Variants in SERINC2 observed in about 807,000 individuals in gnomAD.
The protein encoded by SERINC2 is tumor differentially expressed protein 2.
In SERINC2, 56 loss-of-function variants were observed where a neutral mutation model predicts 54.2. The ratio of observed to expected loss-of-function variants is 1.03; its 90% CI spans 0.83 to 1.29. The LOEUF is 1.29. Among genes scored for constraint, SERINC2 ranks in the 50% most tolerant of loss-of-function variants. SERINC2 has a pLI of 0.00. For synonymous variants in SERINC2, 272 were observed against 253.1 expected, an observed-to-expected ratio of 1.07 and a Z score of -0.71; for missense variants, 614 against 607.4, an observed-to-expected ratio of 1.01 and a Z score of -0.12.
At position 31,431,786 on chromosome 1, in the gene SERINC2, A is replaced by AGGGTGGTTAGGGTGGATAGGATGGT. The variant is rs1557499739; in HGVS notation, c.1014-1181_1014-1180insGGGTGGTTAGGGTGGATAGGATGGT. Among the ~76,000 whole-genome samples, 55 of 49,592 alleles carry AGGGTGGTTAGGGTGGATAGGATGGT rather than the reference A, an allele frequency of 1.1e-3. 5 individuals carry two copies. The highest frequency in any genetic ancestry group is 2.0e-3 in the Non-Finnish European group (31 of 15,892). 32.5% of individuals were successfully genotyped at this position (49,592 alleles called of 152,430 possible). Reference sequence around the variant, plus strand: ...AGGGTGGAGAGGGTGAATAGGGTGGATAGGGTGGATAGGGTGGACAGGGTG... The same window carrying AGGGTGGTTAGGGTGGATAGGATGGT: ...AGGGTGGAGAGGGTGAATAGGGTGGAGGGTGGTTAGGGTGGATAGGATGGTTAGGGTGGATAGGGTGGACAGGGTG... On this transcript the variant is annotated intron_variant, in intron 8 of 9. Transcript: ENST00000373709.
rs140666908 is a variant in SERINC2 at position 31,425,370 on chromosome 1, G to A, written c.433G>A (p.Val145Met). ...FKFLILVGLT[V>M]GAFYIPDGSF... is the part of the protein sequence containing the mutation. ...GTTCCTGATCCTGGTGGGCCTCACC[G>A]TGGGTGCCTTCTACATTCCTGACGG... Residue 145 changes from valine to methionine, a missense_variant, in exon 4 of 10, where the codon GTG becomes ATG. Transcript: ENST00000373709. 4.1e-5 allele frequency: 66 copies of A among 1,613,424 alleles called. No homozygotes were observed. Among genetic ancestry groups the A allele is most frequent in the African/African-American group, 1.9e-4 (14 of 75,048 alleles).
chr1:31,432,567 C>G (rs571514007), intron 8 of SERINC2, among the ~76,000 whole-genome samples: 2 of 152,074 alleles, frequency 1.3e-5, no homozygotes, highest in Non-Finnish European at 2.9e-5. Flanking sequence ...TGGTATGGTA[C>G]TTTGTAGTAT....
chr1:31,413,373 G>A lies in SERINC2; in HGVS notation c.39+69G>A, dbSNP rs1640694327. The A allele has an allele frequency of 2.1e-5, 18 of 867,666 alleles. No individual in the cohort carries two copies. Among genetic ancestry groups the A allele is most frequent in the Non-Finnish European group, 2.8e-5 (18 of 654,448 alleles). The allele number at this position is 867,666 out of a possible 1,614,324, so 53.7% of individuals were successfully genotyped here. On this transcript the variant is annotated intron_variant, in intron 1 of 9. Transcript: ENST00000373709. The surrounding 1 kb of genome is among the most constrained non-coding windows in gnomAD (Gnocchi z 5.0). ...CTGCTGCGGGCCCTCACTTTCTTCT[G>A]TTCTGCTCCGAGTAGTTTCTTCTTT...
chr1:31,419,069 C>T (rs566435499), intron 1 of SERINC2, among the ~76,000 whole-genome samples: 2 of 152,344 alleles, frequency 1.3e-5, no homozygotes, highest in African/African-American at 4.8e-5. Context: ...AAGATTCAGC[C>T]ACTGTAAGTG....
chr1:31,412,441 G>C (rs1394501371), upstream of SERINC2, among the ~76,000 whole-genome samples: 1 of 152,172 alleles, frequency 6.6e-6, no homozygotes, highest in Non-Finnish European at 1.5e-5. Context: ...AGGCTGTTGG[G>C]AGTCAGTGGA....
chr1:31,432,564 G>T (rs371538770), intron 8 of SERINC2, among the ~76,000 whole-genome samples: 1 of 152,120 alleles, frequency 6.6e-6, no homozygotes, highest in Non-Finnish European at 1.5e-5. Flanking sequence ...ACCTGGTATG[G>T]TACTTTGTAG....
chr1:31,424,115 C>T (rs1462857279), intron 2 of SERINC2, among the ~76,000 whole-genome samples: 3 of 152,160 alleles, frequency 2.0e-5, no homozygotes, highest in Non-Finnish European at 4.4e-5. Context: ...ATGCTCTTCT[C>T]CCTCTTAGTG....
chr1:31,415,807 A>G lies in SERINC2; in HGVS notation c.39+2503A>G, dbSNP rs1454333035. 1.0e-5 allele frequency: 10 copies of G among 963,868 alleles called. No homozygotes were observed. In the Admixed American group the frequency reaches 4.9e-4, roughly 48 times the overall value. 59.7% of individuals were successfully genotyped at this position (963,868 alleles called of 1,614,324 possible). A position where few individuals can be genotyped will look rare whatever the true frequency, so the allele number is the denominator to read the frequency against. On this transcript the variant is annotated intron_variant, in intron 1 of 9. Coordinates refer to ENST00000373709, the MANE Select transcript of SERINC2 (RefSeq NM_178865.5). Reference sequence around the variant, plus strand: ...CTTCAGGAGGGATTTTTTTGCATGCATGGGTCAGTGGGGAAGATTTTTGTA... The same window carrying G: ...CTTCAGGAGGGATTTTTTTGCATGCGTGGGTCAGTGGGGAAGATTTTTGTA...
At chr1:31,415,490 G>A (rs1256666208) in intron 1 of SERINC2, among the ~76,000 whole-genome samples, 1 of 152,184 alleles carries the variant, frequency 6.6e-6, no homozygotes, top group African/African-American at 2.4e-5. Context: ...CCCAACACTC[G>A]CAGCGTGGAG....
At chr1:31,409,936 A>G (rs2148507214), upstream of SERINC2, 2 of 1,247,616 alleles carry the variant, frequency 1.6e-6, no homozygotes, top group Non-Finnish European at 2.2e-6. Context: ...TTGAAAACTC[A>G]GGCCCAGTGA....
Position 31,434,373 on chromosome 1 carries a change from G to A in SERINC2, c.*174G>A, listed in dbSNP as rs1641413113. 5 of 641,450 alleles carry A rather than the reference G, an allele frequency of 7.8e-6. No individual in the cohort carries two copies. The highest frequency in any genetic ancestry group is 7.8e-5 in the South Asian group (4 of 51,514). The allele number at this position is 641,450 out of a possible 1,614,324, so 39.7% of individuals were successfully genotyped here. ...TCTAGTCGTAGTGCCTTCAGGGTCC[G>A]AGGAGCATCAGGCTCCTGCAGAGCC... On this transcript the variant is annotated 3_prime_UTR_variant, in exon 10 of 10. Coordinates refer to ENST00000373709, the MANE Select transcript of SERINC2 (RefSeq NM_178865.5).
At chr1:31,415,870 C>T (rs1318376036) in intron 1 of SERINC2, 21 of 985,412 alleles carry the variant, frequency 2.1e-5, no homozygotes, top group Non-Finnish European at 2.5e-5. Context: ...TTGTGCTTCT[C>T]AGCATTGGAA....
chr1:31,428,914 G>GTGGGC, intron 6 of SERINC2, 64 bp from the exon 7 acceptor site: 1 of 1,353,234 alleles, frequency 7.4e-7, no homozygotes, highest in South Asian at 1.2e-5. Flanking sequence ...GCTGGTGTGA[G>GTGGGC]TGGGCTGGGT....
rs540195644 is a variant in SERINC2, at chr1:31,433,299, G to T, written c.1232+114G>T. 15 of 876,468 alleles carry T rather than the reference G, an allele frequency of 1.7e-5. No individual in the cohort carries two copies. The South Asian group carries it at 2.2e-4, about 13-fold the overall frequency. The allele number at this position is 876,468 out of a possible 1,614,324, so 54.3% of individuals were successfully genotyped here. ...GATGTCTGCTTAAGGCTTGGGGGTG[G>T]CGGTGTGTATCAAGGACCCTCCATA... is the stretch of plus-strand genomic sequence containing the variant. On this transcript the variant is annotated intron_variant, in intron 9 of 9. Coordinates refer to ENST00000373709, the MANE Select transcript of SERINC2 (RefSeq NM_178865.5).
Position 31,429,502 on chromosome 1 carries a change from G to A in SERINC2, c.977G>A (p.Gly326Asp), listed in dbSNP as rs782553908. Residue 326 changes from glycine to aspartate, a missense_variant, in exon 8 of 10, where the codon GGC becomes GAC. Coordinates refer to ENST00000373709, the MANE Select transcript of SERINC2 (RefSeq NM_178865.5). ...TQWWDAPSIV[G>D]LIIFLLCTLF... ...TGGTGGGATGCCCCGAGCATTGTGG[G>A]CCTCATCATCTTCCTCCTGTGCACC... The A allele has an allele frequency of 2.2e-5, 35 of 1,613,436 alleles. No individual in the cohort carries two copies. The highest frequency in any genetic ancestry group is 2.6e-5 in the Non-Finnish European group (31 of 1,179,662).
chr1:31,431,496 C>G (rs569733226), intron 8 of SERINC2, among the ~76,000 whole-genome samples: 1 of 151,984 alleles, frequency 6.6e-6, no homozygotes, highest in African/African-American at 2.4e-5. Flanking sequence ...TGGCCGGTGG[C>G]CAAGGAGCTT....
rs781940263 is a variant in SERINC2 at position 31,425,901 on chromosome 1, GC to G, written c.600del (p.Trp201GlyfsTer22). The stretch of plus-strand genomic sequence containing the variant: ...CAAGGCCGAGGAGTGCGATTCCCGT[GC>G]CTGGTACGCAGGTCAGTGCTGCCAC... Reference protein sequence around the residue: ...LGKAEECDSRAWYAGLFFFTL... With the variant: ...LGKAEECDSRXWYAGLFFFTL... On this transcript the variant is annotated frameshift_variant, in exon 5 of 10. Transcript: ENST00000373709. LOFTEE classifies it high-confidence loss of function. 9.3e-6 allele frequency: 15 copies of G among 1,611,772 alleles called. No individual in the cohort carries two copies. Among genetic ancestry groups the G allele is most frequent in the Non-Finnish European group, 1.3e-5 (15 of 1,179,760 alleles).
At chr1:31,432,102 C>T (rs111403239) in intron 8 of SERINC2, among the ~76,000 whole-genome samples, 4,011 of 12,430 alleles carry the variant, frequency 0.32, 202 homozygotes, top group East Asian at 0.35. Context: ...ACAGGGTGGA[C>T]AGGGTGGATA....
In SERINC2 at chr1:31,426,767, C is replaced by T; in HGVS notation, c.724C>T (p.Leu242Phe). 6.2e-7 allele frequency: 1 copy of T among 1,614,158 alleles called. No homozygotes were observed. Among genetic ancestry groups the T allele is most frequent in the Non-Finnish European group, 8.5e-7 (1 of 1,180,022 alleles). ...CCACGAGGGCAAGGTCTTCATCAGCCTCAACCTCACCTTCTGTGTCTGCGT... is the reference window on the plus strand; with the variant it reads ...CCACGAGGGCAAGGTCTTCATCAGCTTCAACCTCACCTTCTGTGTCTGCGT... ...GCHEGKVFIS[L>F]NLTFCVCVSI... The change falls in exon 6 of 10, where the codon CTC becomes TTC. Residue 242 changes from leucine (L) to phenylalanine (F), a missense_variant. By Grantham distance (22) the Leu-to-Phe change is conservative (BLOSUM62 0). Transcript: ENST00000373709.
Sources: allele counts gnomAD v4.1 joint callset (sites outside exome capture counted in the v4.1 genomes callset), GRCh38; gene constraint gnomAD v4.1.1; non-coding constraint Gnocchi (gnomAD v3.1); transcripts MANE v1.5; gene names NCBI Gene and HGNC (gene_info 2026-07-23, HGNC 2026-07-21).